Variants in NRAS observed in about 807,000 individuals in gnomAD.
NRAS encodes the protein GTPase NRas.
NRAS carries 6 observed loss-of-function variants against 21.3 expected under a neutral mutation model. The ratio of observed to expected loss-of-function variants is 0.28; its 90% confidence interval spans 0.15 to 0.56. The LOEUF (loss-of-function observed/expected upper bound fraction) is 0.56, where lower values mean the gene tolerates loss of function less well. Among genes scored for constraint, NRAS ranks in the 20% least tolerant of loss-of-function variants. NRAS has a pLI of 0.93. For missense variants in NRAS, 143 were observed against 231.3 expected (o/e 0.62, Z 2.48); for synonymous variants, 84 against 82.0 (o/e 1.02, Z -0.13).
At chr1:114,710,330 A>G (rs1570872196) in intron 3 of NRAS, among the ~76,000 whole-genome samples, 1 of 144,168 alleles carries the variant, frequency 6.9e-6, no homozygotes. Context: ...ATATTTATAT[A>G]TATTTATAAA....
intron 4 of NRAS, 130 bp from the exon 5 acceptor site, chr1:114,708,784 A>G: frequency 1.3e-6 from 1 of 780,362 alleles, no homozygotes; most frequent in Admixed American, 2.4e-5. Context: ...ATAGCTGATA[A>G]AATAAAATAT....
chr1:114,712,369 G>A (rs1659067385), intron 3 of NRAS, among the ~76,000 whole-genome samples: 1 of 152,038 alleles, frequency 6.6e-6, no homozygotes, highest in Non-Finnish European at 1.5e-5. Flanking sequence ...TCTCACTTAA[G>A]CCTATTTTTC....
In NRAS at chr1:114,706,499, T is replaced by G. The variant is rs1260952620; in HGVS notation, c.*1595A>C. On this transcript the variant is annotated 3_prime_UTR_variant, in exon 7 of 7. Transcript: ENST00000369535. The stretch of plus-strand genomic sequence containing the variant: ...CATCAGCTTAGATTTATCAACATCT[T>G]GTTTTAAACCCTTCAAAGAACATTA... The G allele has an allele frequency of 1.3e-5, 2 of 152,260 alleles. No homozygotes were observed. The highest frequency in any genetic ancestry group is 2.9e-5 in the Non-Finnish European group (2 of 68,048). 9.4% of individuals were successfully genotyped at this position (152,260 alleles called of 1,614,324 possible). A position where few individuals can be genotyped will look rare whatever the true frequency, so the allele number is the denominator to read the frequency against.
intron 2 of NRAS, among the ~76,000 whole-genome samples, chr1:114,714,658 T>C (rs1659115940): frequency 6.6e-6 from 1 of 152,224 alleles, no homozygotes; most frequent in Non-Finnish European, 1.5e-5. Flanking sequence ...GAGAACTCTC[T>C]GGAGTACTGG....
In NRAS at chr1:114,706,105, T is replaced by A. The variant is rs1367124693; in HGVS notation, c.*1989A>T. 2.6e-5 allele frequency: 4 copies of A among 152,184 alleles called. No individual in the cohort carries two copies. Among genetic ancestry groups the A allele is most frequent in the Admixed American group, 6.5e-5 (1 of 15,284 alleles). 9.4% of individuals were successfully genotyped at this position (152,184 alleles called of 1,614,324 possible). A position where few individuals can be genotyped will look rare whatever the true frequency, so the allele number is the denominator to read the frequency against. On this transcript the variant is annotated 3_prime_UTR_variant, in exon 7 of 7. Coordinates refer to ENST00000369535, the MANE Select transcript of NRAS (RefSeq NM_002524.5). ...AAGCAGAATTTCCATTTACAAATGA[T>A]GACAGTACTGTGAAAGCTCCCAGAA... is the stretch of plus-strand genomic sequence containing the variant.
rs969880743 is a variant in NRAS at position 114,705,140 on chromosome 1, A to G, written c.*2954T>C. ...AGCTCTGGAATGGTAAAAAAACCCC[A>G]CATATCTCTAAAGTGTTTCTCTATC... On this transcript the variant is annotated 3_prime_UTR_variant, in exon 7 of 7. Coordinates refer to ENST00000369535, the MANE Select transcript of NRAS (RefSeq NM_002524.5). 6.6e-6 allele frequency: 1 copy of G among 152,152 alleles called. No homozygotes were observed. The highest frequency in any genetic ancestry group is 2.4e-5 in the African/African-American group (1 of 41,442). 9.4% of individuals were successfully genotyped at this position (152,152 alleles called of 1,614,324 possible). A position where few individuals can be genotyped will look rare whatever the true frequency, so the allele number is the denominator to read the frequency against.
Position 114,709,714 on chromosome 1 carries a change from C to A in NRAS, c.305G>T (p.Arg102Leu), listed in dbSNP as rs1247510820. The change falls in exon 4 of 7, where the codon CGA becomes CTA. Residue 102 changes from arginine to leucine, a missense_variant. Arg to Leu is a moderately radical substitution (Grantham distance 102). Coordinates refer to ENST00000369535, the MANE Select transcript of NRAS (RefSeq NM_002524.5). ...DINLYREQIK[R>L]VKDSDDVPMV... is the part of the protein sequence containing the mutation. ...AGGTACATCATCCGAGTCTTTTACT[C>A]GCTTAATCTGCTCCCTAAAAACGGG... 1 of 1,613,268 alleles carries A rather than the reference C, an allele frequency of 6.2e-7. No individual in the cohort carries two copies. The highest frequency in any genetic ancestry group is 8.5e-7 in the Non-Finnish European group (1 of 1,179,266).
intron 3 of NRAS, among the ~76,000 whole-genome samples, chr1:114,712,873 T>G (rs1309111165): frequency 6.6e-6 from 1 of 152,240 alleles, no homozygotes; most frequent in Non-Finnish European, 1.5e-5. Flanking sequence ...GAGCTAGGTT[T>G]CAATCCAGGC....
chr1:114,708,912 G>T (rs1658976213), intron 4 of NRAS, among the ~76,000 whole-genome samples: 1 of 152,230 alleles, frequency 6.6e-6, no homozygotes, highest in Non-Finnish European at 1.5e-5. Context: ...AGGGTAATGT[G>T]AGAAACACGG....
At chr1:114,709,418 G>A in intron 4 of NRAS, 151 bp downstream of exon 4, 1 of 661,872 alleles carries the variant, frequency 1.5e-6, no homozygotes, top group Non-Finnish European at 2.6e-6. Flanking sequence ...TTAGAAGATA[G>A]AGTGAGACTC....
chr1:114,712,079 G>C (rs781274372), intron 3 of NRAS, among the ~76,000 whole-genome samples: 8 of 152,146 alleles, frequency 5.3e-5, no homozygotes, highest in Non-Finnish European at 1.0e-4. Context: ...CCTACATTAA[G>C]GGATAAGACA....
chr1:114,708,373 A>G (rs1658963016), intron 5 of NRAS, among the ~76,000 whole-genome samples, 158 bp downstream of exon 5: 1 of 152,250 alleles, frequency 6.6e-6, no homozygotes, highest in Non-Finnish European at 1.5e-5. Context: ...TAAACACTTT[A>G]GACCTCAGTA....
chr1:114,713,657 C>T (rs1381844609), intron 3 of NRAS, 143 bp downstream of exon 3: 11 of 701,326 alleles, frequency 1.6e-5, no homozygotes, highest in Non-Finnish European at 2.8e-5. Flanking sequence ...AGTAATTACC[C>T]TAGATTCTCA....
intron 3 of NRAS, among the ~76,000 whole-genome samples, chr1:114,712,187 G>A (rs537432616): frequency 5.9e-5 from 9 of 152,244 alleles, no homozygotes; most frequent in African/African-American, 1.9e-4. Context: ...CTTCTAGTCC[G>A]AGCAACTTAA....
rs1456239276 is a variant in NRAS, at chr1:114,707,341, G to A, written c.*753C>T. ...TAGATATAGCTTTCCTTCAATGGTAGATAAGTCACAGACGTATCTCAGACA... is the reference window on the plus strand; with the variant it reads ...TAGATATAGCTTTCCTTCAATGGTAAATAAGTCACAGACGTATCTCAGACA... On this transcript the variant is annotated 3_prime_UTR_variant, in exon 7 of 7. Coordinates refer to ENST00000369535, the MANE Select transcript of NRAS (RefSeq NM_002524.5). 1.3e-5 allele frequency: 2 copies of A among 152,574 alleles called. No homozygotes were observed. The highest frequency in any genetic ancestry group is 4.8e-5 in the African/African-American group (2 of 41,444). 9.5% of individuals were successfully genotyped at this position (152,574 alleles called of 1,614,324 possible).
rs1163400692 is a variant in NRAS, at chr1:114,709,585, G to A, written c.434C>T (p.Ser145Leu). 1.2e-6 allele frequency: 2 copies of A among 1,613,986 alleles called. No homozygotes were observed. The highest frequency in any genetic ancestry group is 2.7e-5 in the African/African-American group (2 of 74,920). Residue 145 changes from serine to leucine, a missense_variant, in exon 4 of 7, where the codon TCA (serine) becomes TTA (leucine). By Grantham distance (145) the Ser-to-Leu change is moderately radical (BLOSUM62 -2). Transcript: ENST00000369535. ...KSYGIPFIET[S>L]AKTRQGVEDA... Reference sequence around the variant, plus strand: ...GTACCATACCTGTCTGGTCTTGGCTGAGGTTTCAATGAATGGAATCCCGTA... The same window carrying A: ...GTACCATACCTGTCTGGTCTTGGCTAAGGTTTCAATGAATGGAATCCCGTA...
chr1:114,711,409 C>A lies in NRAS; in HGVS notation c.291-1681G>T, dbSNP rs1298132219. Among the ~76,000 whole-genome samples the A allele has an allele frequency of 2.6e-5, 4 of 151,840 alleles. No homozygotes were observed. The East Asian group carries it at 7.7e-4, about 29-fold the overall frequency. ...GGTCAGGAGTTTGAAACCAGCCCGG[C>A]CAACATGGTGAAACCCCAAGTCTAC... On this transcript the variant is annotated intron_variant, in intron 3 of 6. Coordinates refer to ENST00000369535, the MANE Select transcript of NRAS (RefSeq NM_002524.5).
chr1:114,714,245 A>C (rs1659109648), intron 2 of NRAS, among the ~76,000 whole-genome samples: 1 of 152,242 alleles, frequency 6.6e-6, no homozygotes, highest in Non-Finnish European at 1.5e-5. Context: ...AAGATTAAGA[A>C]AACACAGTAA....
chr1:114,715,375 AC>A (rs1659135673), intron 2 of NRAS, among the ~76,000 whole-genome samples: 1 of 152,236 alleles, frequency 6.6e-6, no homozygotes, highest in Admixed American at 6.5e-5. Flanking sequence ...GACAATCTGT[AC>A]CATGAACTCT....
Sources: gnomAD v4.1 joint callset for allele counts (sites outside exome capture counted in the v4.1 genomes callset) on GRCh38, gnomAD v4.1.1 for gene constraint, MANE v1.5 for transcripts, NCBI Gene and HGNC (gene_info 2026-07-23, HGNC 2026-07-21) for gene names.